The following BTBD10 variants were observed in gnomAD, a reference collection of about 807,000 sequenced individuals.
BTBD10 encodes BTB/POZ domain-containing protein 10.
In BTBD10, 21 loss-of-function variants were observed where a neutral mutation model predicts 53.2. The ratio of observed to expected loss-of-function variants is 0.39; its 90% confidence interval spans 0.28 to 0.57. BTBD10 has a LOEUF of 0.57. BTBD10 is among the 20% of genes least tolerant of loss of function. BTBD10 has a pLI of 0.53. For missense variants in BTBD10, 360 were observed against 594.7 expected (o/e 0.61, Z 4.10); for synonymous variants, 149 against 192.7 (o/e 0.77, Z 1.88).
intron 5 of BTBD10, 66 bp downstream of exon 5, chr11:13,417,092 C>A: frequency 9.0e-7 from 1 of 1,111,756 alleles, no homozygotes; most frequent in South Asian, 1.6e-5. Context: ...TAGAATTCTG[C>A]GTCTAATCCA....
intron 2 of BTBD10, among the ~76,000 whole-genome samples, chr11:13,424,106 C>A (rs767498918): frequency 2.0e-5 from 3 of 152,140 alleles, no homozygotes; most frequent in Non-Finnish European, 4.4e-5. Context: ...GAACAAAGAT[C>A]ATATATAGAA....
intron 2 of BTBD10, among the ~76,000 whole-genome samples, chr11:13,443,992 CAT>C (rs1313936529): frequency 6.6e-6 from 1 of 151,876 alleles, no homozygotes; most frequent in East Asian, 1.9e-4. Flanking sequence ...AATGAACAAA[CAT>C]AAAAAACCAA....
intron 1 of BTBD10, among the ~76,000 whole-genome samples, chr11:13,457,577 CA>C (rs1012608593): frequency 6.6e-6 from 1 of 152,110 alleles, no homozygotes; most frequent in Non-Finnish European, 1.5e-5. Context: ...GACAAATACA[CA>C]TGTATTTATT....
At chr11:13,411,602 T>C (rs566189746) in intron 6 of BTBD10, among the ~76,000 whole-genome samples, 8 of 152,164 alleles carry the variant, frequency 5.3e-5, no homozygotes, top group Non-Finnish European at 1.0e-4. Context: ...CCCTTACTTT[T>C]AATCTGTAAC....
chr11:13,397,716 T>C (rs1949593203), intron 8 of BTBD10, among the ~76,000 whole-genome samples: 2 of 152,220 alleles, frequency 1.3e-5, no homozygotes, highest in South Asian at 4.1e-4. Context: ...GCTTTGAATG[T>C]GTCCCAGAGA....
intron 8 of BTBD10, among the ~76,000 whole-genome samples, chr11:13,390,552 C>T (rs1290317749): frequency 1.3e-5 from 2 of 152,036 alleles, no homozygotes; most frequent in African/African-American, 4.8e-5. Flanking sequence ...CCATGTTGGC[C>T]AGGATGATCT....
chr11:13,421,464 T>C (rs1231592231), intron 3 of BTBD10, among the ~76,000 whole-genome samples, 178 bp downstream of exon 3: 1 of 152,244 alleles, frequency 6.6e-6, no homozygotes, highest in African/African-American at 2.4e-5. Flanking sequence ...TAACTTTGCA[T>C]TTAATTAGCT....
intron 8 of BTBD10, among the ~76,000 whole-genome samples, chr11:13,394,232 A>G (rs184460591): frequency 6.6e-6 from 1 of 152,298 alleles, no homozygotes; most frequent in Admixed American, 6.5e-5. Context: ...TCCAAATCTC[A>G]TTACAAACTG....
chr11:13,403,053 T>C (rs563050747), intron 8 of BTBD10, 115 bp downstream of exon 8: 1 of 665,408 alleles, frequency 1.5e-6, no homozygotes, highest in East Asian at 3.1e-5. Context: ...CATGTGGTAA[T>C]CATTTGTCAG....
intron 1 of BTBD10, among the ~76,000 whole-genome samples, chr11:13,452,018 C>G (rs1298865066): frequency 6.6e-6 from 1 of 151,928 alleles, no homozygotes; most frequent in African/African-American, 2.4e-5. Flanking sequence ...AAAAAACCAT[C>G]AGGGAACTTG....
In BTBD10 at chr11:13,434,993, T is replaced by G. The variant is rs572378803; in HGVS notation, c.101+10031A>C. ...AAAGTGAAAGGACTAGGTTTAGAAA[T>G]GTAGGTATATCTTAGACATGTTAAA... On this transcript the variant is annotated intron_variant, in intron 2 of 8. Transcript: ENST00000278174. Among the ~76,000 whole-genome samples, 4 of 152,204 alleles carry G rather than the reference T, an allele frequency of 2.6e-5. No homozygotes were observed. In the South Asian group the frequency reaches 8.3e-4, roughly 31 times the overall value.
intron 2 of BTBD10, among the ~76,000 whole-genome samples, chr11:13,427,961 T>C (rs998080320): frequency 6.6e-6 from 1 of 150,934 alleles, no homozygotes; most frequent in Non-Finnish European, 1.5e-5. Context: ...CCATAATTTG[T>C]GGCATGGTAT....
At chr11:13,406,145 G>A (rs1360774833) in intron 6 of BTBD10, among the ~76,000 whole-genome samples, 1 of 152,116 alleles carries the variant, frequency 6.6e-6, no homozygotes, top group Non-Finnish European at 1.5e-5. Context: ...CACATAAACT[G>A]AAATAGTTCT....
intron 6 of BTBD10, among the ~76,000 whole-genome samples, chr11:13,409,686 G>A (rs1220137046): frequency 6.6e-6 from 1 of 151,926 alleles, no homozygotes; most frequent in Non-Finnish European, 1.5e-5. Context: ...CGGCTTTAAC[G>A]GCACTTAGAT....
chr11:13,408,881 C>T (rs1310832993), intron 6 of BTBD10, among the ~76,000 whole-genome samples: 1 of 152,146 alleles, frequency 6.6e-6, no homozygotes, highest in East Asian at 1.9e-4. Context: ...ATTTTTAACA[C>T]AACAGCCAAA....
chr11:13,460,733 A>C (rs1951077183), intron 1 of BTBD10, among the ~76,000 whole-genome samples: 1 of 152,248 alleles, frequency 6.6e-6, no homozygotes, highest in Admixed American at 6.5e-5. Context: ...CTGGCATGGA[A>C]TAAAATCCAA....
rs1156767878 is a variant in BTBD10 at position 13,389,104 on chromosome 11, A to C, written c.1155T>G (p.Pro385=). 1 of 1,612,880 alleles carries C rather than the reference A, an allele frequency of 6.2e-7. No homozygotes were observed. The highest frequency in any genetic ancestry group is 1.7e-5 in the Admixed American group (1 of 59,758). Residue 385 remains proline, a synonymous_variant, in exon 9 of 9, where the codon CCT becomes CCG. Transcript: ENST00000278174. ...PTYKEKVKKR[P]GGRPEVIYNY... ...TGTAGATCACTTCTGGGCGGCCTCC[A>C]GGCCTTTTCTTTACTTTTTCTTTGT...
chr11:13,442,158 C>A (rs571061399), intron 2 of BTBD10, among the ~76,000 whole-genome samples: 1 of 152,038 alleles, frequency 6.6e-6, no homozygotes, highest in African/African-American at 2.4e-5. Context: ...GAATAATAAA[C>A]CCCTAACATC....
chr11:13,406,236 T>G (rs1210265727), intron 6 of BTBD10, among the ~76,000 whole-genome samples: 8 of 152,078 alleles, frequency 5.3e-5, no homozygotes, highest in Admixed American at 5.2e-4. Flanking sequence ...AGAGGTGAGC[T>G]GAAAAGGGTC....
Sources: allele counts gnomAD v4.1 joint callset (sites outside exome capture counted in the v4.1 genomes callset), GRCh38; gene constraint gnomAD v4.1.1; transcripts MANE v1.5; gene names NCBI Gene and HGNC (gene_info 2026-07-23, HGNC 2026-07-21).